The following ADGRL3 variants were observed in gnomAD, a reference collection of about 807,000 sequenced individuals.
ADGRL3 encodes the protein adhesion G protein-coupled receptor L3.
A neutral mutation model predicts 153.5 loss-of-function variants in ADGRL3; 62 were observed. That is an observed-to-expected ratio of 0.40 (90% confidence interval 0.33 to 0.50). ADGRL3 has a LOEUF of 0.50. Among genes scored for constraint, ADGRL3 ranks in the 20% least tolerant of loss-of-function variants. ADGRL3 has a pLI of 0.47. For synonymous variants in ADGRL3, 710 were observed against 672.5 expected (o/e 1.06, Z -0.86); for missense variants, 1,641 against 1,859.4 (o/e 0.88, Z 2.16).
At chr4:62,037,880 A>G (rs1725951148) in intron 24 of ADGRL3, 24 bp downstream of exon 24, 1 of 1,613,216 alleles carries the variant, frequency 6.2e-7, no homozygotes. Context: ...GTTCACTGAA[A>G]TGAAGTAATT....
At chr4:61,768,073 G>T (rs1189843386) in intron 8 of ADGRL3, among the ~76,000 whole-genome samples, 1 of 152,116 alleles carries the variant, frequency 6.6e-6, no homozygotes, top group Non-Finnish European at 1.5e-5. Flanking sequence ...TGCCAAACGA[G>T]CCATGAACTG....
chr4:61,776,404 T>C (rs1271492729), intron 8 of ADGRL3, among the ~76,000 whole-genome samples: 2 of 152,230 alleles, frequency 1.3e-5, no homozygotes, highest in Non-Finnish European at 2.9e-5. Context: ...AAAAGATTTA[T>C]AAAAGTTTTA....
At chr4:61,376,454 C>A (rs186792615) in intron 1 of ADGRL3, among the ~76,000 whole-genome samples, 1 of 151,774 alleles carries the variant, frequency 6.6e-6, no homozygotes, top group Non-Finnish European at 1.5e-5. Context: ...AAGGAGCAGG[C>A]GTTGCTGAGG....
intron 9 of ADGRL3, among the ~76,000 whole-genome samples, chr4:61,819,412 C>T (rs180860400): frequency 9.3e-4 from 142 of 152,006 alleles, no homozygotes; most frequent in South Asian, 3.5e-3. Context: ...TAATTTCATA[C>T]GTATTGAAAA....
intron 25 of ADGRL3, among the ~76,000 whole-genome samples, chr4:62,052,202 G>A (rs970915836): frequency 3.3e-5 from 5 of 151,328 alleles, no homozygotes; most frequent in Non-Finnish European, 5.9e-5. Flanking sequence ...GCCCTATACA[G>A]GATAACAAAA....
At chr4:62,043,660 T>C (rs951929310) in intron 24 of ADGRL3, among the ~76,000 whole-genome samples, 1 of 152,222 alleles carries the variant, frequency 6.6e-6, no homozygotes, top group East Asian at 1.9e-4. Flanking sequence ...GAAAATATTT[T>C]GTTTCTTCCT....
rs1465068758 is a variant in ADGRL3 at position 61,646,315 on chromosome 4, T to C, written c.474-30511T>C. ...AAGTCATTCTCCATCCAGCTTTGTT[T>C]CGTTGCTGGTGAGGAACTGCGTTCC... is the stretch of plus-strand genomic sequence containing the variant. On this transcript the variant is annotated intron_variant, in intron 5 of 26. Transcript: ENST00000683033. Among the ~76,000 whole-genome samples, 6 of 152,296 alleles carry C rather than the reference T, an allele frequency of 3.9e-5. No homozygotes were observed. In the East Asian group the frequency reaches 5.8e-4, roughly 15 times the overall value.
intron 1 of ADGRL3, among the ~76,000 whole-genome samples, chr4:61,266,612 G>A (rs1242895081): frequency 6.6e-6 from 1 of 151,790 alleles, no homozygotes; most frequent in African/African-American, 2.4e-5. Context: ...GAGATTTACA[G>A]ACTAATATAA....
At chr4:61,426,567 ACG>A (rs35214686) in intron 2 of ADGRL3, among the ~76,000 whole-genome samples, 59,704 of 151,906 alleles carry the variant, frequency 0.39, 12,265 homozygotes, top group Middle Eastern at 0.57. Context: ...GTTCCCATAG[ACG>A]AGGCTACACT....
At chr4:61,284,837 C>G (rs2093869641) in intron 1 of ADGRL3, among the ~76,000 whole-genome samples, 1 of 151,572 alleles carries the variant, frequency 6.6e-6, no homozygotes, top group Non-Finnish European at 1.5e-5. Context: ...TATAAATCAA[C>G]AAAGATATTT....
chr4:61,576,028 T>C (rs2098877128), intron 4 of ADGRL3, among the ~76,000 whole-genome samples: 2 of 152,018 alleles, frequency 1.3e-5, no homozygotes, highest in Admixed American at 6.6e-5. Flanking sequence ...TAATCCTTGG[T>C]AAAGCCTTTT....
At chr4:61,806,088 T>C (rs2097549489) in intron 8 of ADGRL3, among the ~76,000 whole-genome samples, 1 of 152,198 alleles carries the variant, frequency 6.6e-6, no homozygotes, top group Non-Finnish European at 1.5e-5. Flanking sequence ...AGAAATACAC[T>C]GAGCTCTTAC....
chr4:61,543,120 G>A (rs545257297), intron 4 of ADGRL3, among the ~76,000 whole-genome samples: 2 of 151,826 alleles, frequency 1.3e-5, no homozygotes, highest in African/African-American at 4.8e-5. Context: ...CTTTATGGTA[G>A]GCAGAATTAT....
chr4:61,439,943 A>C (rs889701693), intron 2 of ADGRL3, among the ~76,000 whole-genome samples: 6 of 152,182 alleles, frequency 3.9e-5, no homozygotes, highest in Non-Finnish European at 5.9e-5. Context: ...ATTTTTATAC[A>C]TAAGTCATAT....
At chr4:61,267,805 A>G (rs1350967326) in intron 1 of ADGRL3, among the ~76,000 whole-genome samples, 1 of 145,446 alleles carries the variant, frequency 6.9e-6, no homozygotes, top group East Asian at 2.1e-4. Flanking sequence ...AATTGGAGTT[A>G]GGGTATGGAG....
chr4:61,790,528 T>C (rs1471051417), intron 8 of ADGRL3, among the ~76,000 whole-genome samples: 2 of 152,178 alleles, frequency 1.3e-5, no homozygotes, highest in Admixed American at 1.3e-4. Context: ...TAGAAACAAT[T>C]AGAACAATAT....
rs200908922 is a variant in ADGRL3 at position 61,841,310 on chromosome 4, G to A, written c.1480+27421G>A. Among the ~76,000 whole-genome samples, 893 of 131,458 alleles carry A rather than the reference G, an allele frequency of 6.8e-3. 9 individuals are homozygous for A. The highest frequency in any genetic ancestry group is 0.026 in the African/African-American group (836 of 32,148). The allele number at this position is 131,458 out of a possible 152,430, so 86.2% of individuals were successfully genotyped here. ...TTATTCCAATAAGCTGGAGGCTCACGTATTTGCATATAAATTAGGTCATTT... is the reference window on the plus strand; with the variant it reads ...TTATTCCAATAAGCTGGAGGCTCACATATTTGCATATAAATTAGGTCATTT... On this transcript the variant is annotated intron_variant, in intron 9 of 26. Coordinates refer to ENST00000683033, the MANE Select transcript of ADGRL3 (RefSeq NM_001387552.1).
intron 1 of ADGRL3, among the ~76,000 whole-genome samples, chr4:61,245,876 C>T (rs910389726): frequency 1.1e-5 from 1 of 89,474 alleles, no homozygotes; most frequent in Non-Finnish European, 2.3e-5. Context: ...AATAAAATAC[C>T]TTCAGGCAGA....
At chr4:61,928,073 A>G (rs1252696574) in intron 13 of ADGRL3, among the ~76,000 whole-genome samples, 7 of 151,322 alleles carry the variant, frequency 4.6e-5, no homozygotes, top group Non-Finnish European at 7.4e-5. Flanking sequence ...AGCATTATTC[A>G]GCGTGATTAT....
Sources: allele counts gnomAD v4.1 joint callset (sites outside exome capture counted in the v4.1 genomes callset), GRCh38; gene constraint gnomAD v4.1.1; transcripts MANE v1.5; gene names NCBI Gene and HGNC (gene_info 2026-07-23, HGNC 2026-07-21).